The following OSBPL8 variants were observed in gnomAD, a reference collection of about 807,000 sequenced individuals.
The protein encoded by OSBPL8 is oxysterol binding protein like 8.
OSBPL8 carries 59 observed loss-of-function variants against 125.5 expected under a neutral mutation model. That is an observed-to-expected ratio of 0.47 (90% confidence interval 0.38 to 0.58). The LOEUF is 0.58. Ranked by LOEUF, OSBPL8 falls within the 20% of genes least tolerant of loss-of-function variation. The pLI is 0.00. For synonymous variants in OSBPL8, 330 were observed against 338.9 expected (o/e 0.97, Z 0.29); for missense variants, 758 against 1,047.8 (o/e 0.72, Z 3.82).
intron 3 of OSBPL8, among the ~76,000 whole-genome samples, chr12:76,457,360 T>C (rs1351201042): frequency 6.6e-6 from 1 of 152,236 alleles, no homozygotes; most frequent in Non-Finnish European, 1.5e-5. Flanking sequence ...TTTTTACTTA[T>C]GTAATAGATT....
chr12:76,437,269 T>G (rs1871577314), intron 4 of OSBPL8, among the ~76,000 whole-genome samples: 1 of 152,206 alleles, frequency 6.6e-6, no homozygotes, highest in African/African-American at 2.4e-5. Context: ...TAAATGGGAA[T>G]TCATATGGTT....
In OSBPL8 at chr12:76,356,644, G is replaced by A. The variant is rs762615818; in HGVS notation, c.2519C>T (p.Thr840Ile). 1 of 1,600,010 alleles carries A rather than the reference G, an allele frequency of 6.2e-7. No individual in the cohort carries two copies. ...IQSSIESIKQ[T>I]QEEIKRNIMA... ...TTATTACCTTTTAATTTCTTCCTGT[G>A]TTTGTTTTATAGATTCGATGGAACT... is the stretch of plus-strand genomic sequence containing the variant. The change falls in exon 23 of 24, where the codon ACA (threonine) becomes ATA (isoleucine). Residue 840 changes from threonine to isoleucine, a missense_variant. By Grantham distance (89) the Thr-to-Ile change is moderately conservative (BLOSUM62 -1). This residue lies in a region of OSBPL8 where 572 missense variants were observed against 762.0 expected (regional missense o/e 0.75). Transcript: ENST00000261183.
At chr12:76,386,690 T>A (rs748296393) in intron 12 of OSBPL8, 30 bp from the exon 13 acceptor site, 5 of 1,494,578 alleles carry the variant, frequency 3.3e-6, no homozygotes, top group Admixed American at 1.9e-5. Flanking sequence ...ACAAAAATTT[T>A]AAAAAATGTA....
chr12:76,545,454 T>C (rs908829183), intron 1 of OSBPL8, among the ~76,000 whole-genome samples: 3 of 152,166 alleles, frequency 2.0e-5, no homozygotes, highest in African/African-American at 7.2e-5. Context: ...TAAAAAATCA[T>C]CCCCATACTT....
At chr12:76,534,818 G>C (rs1180225208) in intron 1 of OSBPL8, among the ~76,000 whole-genome samples, 1 of 152,020 alleles carries the variant, frequency 6.6e-6, no homozygotes, top group Non-Finnish European at 1.5e-5. Flanking sequence ...TATATCAATG[G>C]AATAGAATAA....
chr12:76,544,496 C>T (rs1950730829), intron 1 of OSBPL8, among the ~76,000 whole-genome samples: 1 of 152,166 alleles, frequency 6.6e-6, no homozygotes, highest in Non-Finnish European at 1.5e-5. Context: ...TTTGAACACA[C>T]TGACCATCTC....
intron 1 of OSBPL8, among the ~76,000 whole-genome samples, chr12:76,511,455 G>C (rs188495620): frequency 2.0e-5 from 3 of 152,194 alleles, no homozygotes; most frequent in Admixed American, 1.3e-4. Flanking sequence ...AGATGATTTT[G>C]ATTTGCATTT....
At chr12:76,477,099 C>T (rs34709220) in intron 2 of OSBPL8, among the ~76,000 whole-genome samples, 31,000 of 152,040 alleles carry the variant, frequency 0.2, 3,403 homozygotes, top group Non-Finnish European at 0.26. Flanking sequence ...TCTCCCACCC[C>T]CAAACCTCAT....
chr12:76,398,798 G>A (rs1953930257), intron 7 of OSBPL8, among the ~76,000 whole-genome samples: 1 of 152,148 alleles, frequency 6.6e-6, no homozygotes, highest in Admixed American at 6.5e-5. Context: ...TTGGGAGCCA[G>A]GCATGAAGAA....
chr12:76,422,877 T>TA (rs1252075050), intron 4 of OSBPL8: 1 of 214,640 alleles, frequency 4.7e-6, no homozygotes, highest in South Asian at 7.8e-5. Context: ...GCTGATTTTT[T>TA]AAAAAAAGGA....
At chr12:76,495,200 G>C (rs1879150716) in intron 1 of OSBPL8, among the ~76,000 whole-genome samples, 1 of 152,116 alleles carries the variant, frequency 6.6e-6, no homozygotes. Flanking sequence ...CAATATTCTA[G>C]CTATTTCCTT....
rs1312776893 is a variant in OSBPL8, at chr12:76,352,128, A to G, written c.*3761T>C. 6.6e-6 allele frequency: 1 copy of G among 152,608 alleles called. No homozygotes were observed. The highest frequency in any genetic ancestry group is 1.5e-5 in the Non-Finnish European group (1 of 68,038). 9.5% of individuals were successfully genotyped at this position (152,608 alleles called of 1,614,324 possible). A position where few individuals can be genotyped will look rare whatever the true frequency, so the allele number is the denominator to read the frequency against. On this transcript the variant is annotated 3_prime_UTR_variant, in exon 24 of 24. Transcript: ENST00000261183. The stretch of plus-strand genomic sequence containing the variant: ...TCAGATGTATATTTAGCATGCTAAA[A>G]AGTGAAAAAAATTTCAACTGAAGTT...
intron 1 of OSBPL8, among the ~76,000 whole-genome samples, chr12:76,522,994 C>T (rs1212734754): frequency 1.1e-4 from 16 of 152,086 alleles, no homozygotes; most frequent in South Asian, 2.1e-4. Flanking sequence ...CATACCACCA[C>T]GCCTGGCTAA....
chr12:76,394,283 A>G (rs1014481980), intron 9 of OSBPL8, among the ~76,000 whole-genome samples: 11 of 152,174 alleles, frequency 7.2e-5, no homozygotes, highest in Admixed American at 5.2e-4. Context: ...AAACAAAACC[A>G]AAACAATGTA....
chr12:76,375,199 A>T, intron 17 of OSBPL8, 74 bp downstream of exon 17: 1 of 978,994 alleles, frequency 1.0e-6, no homozygotes, highest in East Asian at 2.5e-5. Flanking sequence ...TAGGAAATAC[A>T]TGGTGCCCTT....
intron 22 of OSBPL8, among the ~76,000 whole-genome samples, chr12:76,356,962 T>C (rs1192170906): frequency 6.6e-6 from 1 of 152,208 alleles, no homozygotes; most frequent in African/African-American, 2.4e-5. Context: ...CACCAGTTTT[T>C]TTAACTAATT....
intron 2 of OSBPL8, among the ~76,000 whole-genome samples, chr12:76,479,688 G>A (rs1356695775): frequency 1.3e-5 from 2 of 152,118 alleles, no homozygotes; most frequent in African/African-American, 4.8e-5. Flanking sequence ...AAATATAAGG[G>A]ACTGATGAAC....
intron 1 of OSBPL8, among the ~76,000 whole-genome samples, chr12:76,530,186 AG>A (rs1467087902): frequency 6.7e-6 from 1 of 149,490 alleles, no homozygotes; most frequent in Non-Finnish European, 1.5e-5. Context: ...CCTCCCAAGT[AG>A]TAAGAACTAT....
intron 1 of OSBPL8, among the ~76,000 whole-genome samples, chr12:76,509,880 A>G (rs1416111311): frequency 6.6e-6 from 1 of 152,202 alleles, no homozygotes; most frequent in African/African-American, 2.4e-5. Flanking sequence ...ACAGTAAGTT[A>G]CCTAAAAATA....
Sources: allele counts gnomAD v4.1 joint callset (sites outside exome capture counted in the v4.1 genomes callset), GRCh38; gene constraint gnomAD v4.1.1; regional missense constraint gnomAD v4.1.1; transcripts MANE v1.5; gene names NCBI Gene and HGNC (gene_info 2026-07-23, HGNC 2026-07-21).